The following STON2 variants were observed in gnomAD, a reference collection of about 807,000 sequenced individuals.
The protein encoded by STON2 is stonin 2.
Under a neutral mutation model 65.7 loss-of-function variants are expected in STON2, and 29 were observed. The ratio of observed to expected loss-of-function variants is 0.44; its 90% CI spans 0.33 to 0.60. The LOEUF is 0.60. STON2 is among the 20% of genes least tolerant of loss of function. The pLI, the probability that STON2 is intolerant of heterozygous loss-of-function variation, is 0.03. For missense variants in STON2, 1,054 were observed against 1,118.1 expected (o/e 0.94, Z 0.82); for synonymous variants, 404 against 414.2 (o/e 0.98, Z 0.30).
intron 4 of STON2, among the ~76,000 whole-genome samples, chr14:81,326,629 T>C (rs1342153857): frequency 6.6e-6 from 1 of 152,244 alleles, no homozygotes; most frequent in Admixed American, 6.5e-5. Context: ...CAGGCATTAC[T>C]CGTTTAACTA....
At chr14:81,391,573 G>C (rs1346232360) in intron 3 of STON2, among the ~76,000 whole-genome samples, 1 of 152,186 alleles carries the variant, frequency 6.6e-6, no homozygotes, top group African/African-American at 2.4e-5. Flanking sequence ...TGTGGGAGAG[G>C]TTAGTTTGGG....
At chr14:81,408,784 T>C (rs764025436) in intron 2 of STON2, among the ~76,000 whole-genome samples, 5 of 152,202 alleles carry the variant, frequency 3.3e-5, no homozygotes, top group Non-Finnish European at 7.3e-5. Flanking sequence ...CCTCTGATCT[T>C]TGGTGCATTC....
intron 5 of STON2, among the ~76,000 whole-genome samples, chr14:81,285,090 T>G (rs944755175): frequency 6.6e-6 from 1 of 152,324 alleles, no homozygotes; most frequent in East Asian, 1.9e-4. Flanking sequence ...TTAATGTTGT[T>G]TTCATGCCTG....
chr14:81,386,502 C>A (rs1899814041), intron 3 of STON2, among the ~76,000 whole-genome samples: 1 of 152,168 alleles, frequency 6.6e-6, no homozygotes, highest in African/African-American at 2.4e-5. Flanking sequence ...TTCTCTGGTC[C>A]CAAATAATTA....
chr14:81,391,564 G>A (rs72703762), intron 3 of STON2, among the ~76,000 whole-genome samples: 1,939 of 152,350 alleles, frequency 0.013, 24 homozygotes, highest in South Asian at 0.043. Context: ...ATTAGCTTAT[G>A]TGGGAGAGGT....
intron 4 of STON2, among the ~76,000 whole-genome samples, chr14:81,341,300 T>C (rs1897598848): frequency 2.0e-5 from 3 of 152,148 alleles, no homozygotes; most frequent in East Asian, 1.9e-4. Context: ...CTGAAAAGCA[T>C]TCATCAGGAC....
chr14:81,303,418 C>T (rs1382538033), intron 5 of STON2, among the ~76,000 whole-genome samples: 1 of 152,196 alleles, frequency 6.6e-6, no homozygotes, highest in Non-Finnish European at 1.5e-5. Flanking sequence ...AGGAAACCAA[C>T]AGTGGTGGTG....
In STON2 at chr14:81,277,304, C is replaced by T. The variant is rs147198775; in HGVS notation, c.2178G>A (p.Ala726=). The change falls in exon 6 of 8, where the codon GCG becomes GCA. Residue 726 remains alanine, a synonymous_variant. Transcript: ENST00000614646. ...TGAACCGCATTAGCTCAAACCGGCA[C>T]GCATCCAAAGGGTTGAACAGAATGA... ...SRVILFNPLD[A]CRFELMRFRT... is the part of the protein sequence containing the mutation. The T allele has an allele frequency of 2.3e-3, 3,783 of 1,614,168 alleles. 12 individuals are homozygous for T. Among genetic ancestry groups the T allele is most frequent in the Non-Finnish European group, 2.9e-3 (3,431 of 1,180,034 alleles).
At chr14:81,318,490 C>T (rs1044340438) in intron 5 of STON2, among the ~76,000 whole-genome samples, 1 of 152,190 alleles carries the variant, frequency 6.6e-6, no homozygotes, top group Non-Finnish European at 1.5e-5. Flanking sequence ...ATTTTAATGG[C>T]TCTATTTCTT....
intron 4 of STON2, among the ~76,000 whole-genome samples, chr14:81,338,648 T>C (rs1204123280): frequency 1.3e-5 from 2 of 152,186 alleles, no homozygotes; most frequent in African/African-American, 4.8e-5. Flanking sequence ...AAGTGGGGGA[T>C]AGTCTGTGGA....
At chr14:81,348,215 C>T (rs963032989) in intron 4 of STON2, among the ~76,000 whole-genome samples, 8 of 152,034 alleles carry the variant, frequency 5.3e-5, no homozygotes, top group Non-Finnish European at 1.2e-4. Flanking sequence ...AGCAAAGATG[C>T]CCACTTTCAC....
At chr14:81,298,080 T>C (rs187395349) in intron 5 of STON2, among the ~76,000 whole-genome samples, 170 of 152,216 alleles carry the variant, frequency 1.1e-3, no homozygotes, top group African/African-American at 4.0e-3. Context: ...CCATGCACAT[T>C]AAGTACTGAG....
At position 81,266,796 on chromosome 14, in the gene STON2, C is replaced by G; in HGVS notation, c.*1618G>C. The G allele has an allele frequency of 4.2e-6, 4 of 948,156 alleles. No homozygotes were observed. Among genetic ancestry groups the G allele is most frequent in the Non-Finnish European group, 4.9e-6 (4 of 818,270 alleles). 58.7% of individuals were successfully genotyped at this position (948,156 alleles called of 1,614,324 possible). On this transcript the variant is annotated 3_prime_UTR_variant, in exon 8 of 8. Transcript: ENST00000614646. ...GAAACCAGGTCTTCCTAACACCGTT[C>G]CCATCAACACCACACACATAAACAC...
intron 2 of STON2, among the ~76,000 whole-genome samples, chr14:81,408,706 T>C (rs1900998143): frequency 6.6e-6 from 1 of 152,250 alleles, no homozygotes; most frequent in African/African-American, 2.4e-5. Context: ...TATCTAACAA[T>C]TCCATGGCCC....
chr14:81,411,170 C>CT (rs1901138992), intron 2 of STON2, among the ~76,000 whole-genome samples: 1 of 152,104 alleles, frequency 6.6e-6, no homozygotes, highest in Non-Finnish European at 1.5e-5. Context: ...AGGCCAATGG[C>CT]AATTCAACCA....
intron 4 of STON2, among the ~76,000 whole-genome samples, chr14:81,335,435 C>T (rs923682405): frequency 2.0e-5 from 3 of 152,140 alleles, no homozygotes; most frequent in Non-Finnish European, 4.4e-5. Context: ...ATGAAATGTG[C>T]AGGGATGGTC....
chr14:81,385,578 A>G (rs1472259390), intron 3 of STON2, among the ~76,000 whole-genome samples: 2 of 152,202 alleles, frequency 1.3e-5, no homozygotes, highest in Non-Finnish European at 2.9e-5. Flanking sequence ...TTCCTTGCCT[A>G]TCTTGTTTAA....
chr14:81,344,071 T>C (rs1278581722), intron 4 of STON2, among the ~76,000 whole-genome samples: 3 of 152,154 alleles, frequency 2.0e-5, no homozygotes, highest in African/African-American at 7.2e-5. Context: ...ACAGAAATAT[T>C]TGAAAGACTA....
chr14:81,421,961 C>T (rs1901725024), intron 2 of STON2, among the ~76,000 whole-genome samples: 1 of 152,142 alleles, frequency 6.6e-6, no homozygotes, highest in Non-Finnish European at 1.5e-5. Flanking sequence ...AGGCTGGAAC[C>T]CTGGGGAAGG....
Sources: allele counts gnomAD v4.1 joint callset (sites outside exome capture counted in the v4.1 genomes callset), GRCh38; gene constraint gnomAD v4.1.1; transcripts MANE v1.5; gene names NCBI Gene and HGNC (gene_info 2026-07-23, HGNC 2026-07-21).